The following XKR9 variants were observed in gnomAD, a reference collection of about 807,000 sequenced individuals.
XKR9 encodes the protein XK related 9, also known as XK-related protein 9.
In XKR9, 32 loss-of-function variants were observed where a neutral mutation model predicts 32.0. The observed-to-expected ratio is 1.00, with a 90% CI of 0.76 to 1.34. The LOEUF (loss-of-function observed/expected upper bound fraction) is 1.34. Ranked by LOEUF, XKR9 falls within the 40% of genes most tolerant of loss-of-function variation. The probability of loss-of-function intolerance (pLI) is 0.00; values close to 1 mark genes in which losing one functional copy is unlikely to be tolerated. For missense variants in XKR9, 546 were observed against 429.7 expected (o/e 1.27, Z -2.39); for synonymous variants, 168 against 143.4 (o/e 1.17, Z -1.22).
the XKR9 span, among the ~76,000 whole-genome samples, chr8:70,984,362 T>C: frequency 6.6e-6 from 1 of 152,216 alleles, no homozygotes; most frequent in Non-Finnish European, 1.5e-5. Context: ...ATCTTGTGGG[T>C]TCTGATCATC....
chr8:70,943,482 GT>G, the XKR9 span, among the ~76,000 whole-genome samples: 4 of 151,862 alleles, frequency 2.6e-5, no homozygotes, highest in East Asian at 1.9e-4. Context: ...TTTTTTGAAG[GT>G]TTTTTTTAAA....
the XKR9 span, among the ~76,000 whole-genome samples, chr8:70,964,912 C>G: frequency 6.6e-6 from 1 of 152,190 alleles, no homozygotes; most frequent in Non-Finnish European, 1.5e-5. Context: ...AATTTCACTT[C>G]CTCTCTTCCT....
At chr8:71,013,280 A>G in the XKR9 span, among the ~76,000 whole-genome samples, 1 of 152,172 alleles carries the variant, frequency 6.6e-6, no homozygotes, top group Non-Finnish European at 1.5e-5. Context: ...CAGAGCCACA[A>G]TCCCAGCAGG....
At chr8:70,696,308 G>T (rs2132145888) in intron 3 of XKR9, among the ~76,000 whole-genome samples, 1 of 152,220 alleles carries the variant, frequency 6.6e-6, no homozygotes, top group East Asian at 1.9e-4. Context: ...GGGATTTTAT[G>T]GTTTTAGGCC....
the XKR9 span, among the ~76,000 whole-genome samples, chr8:70,850,324 G>A: frequency 6.6e-6 from 1 of 151,862 alleles, no homozygotes; most frequent in African/African-American, 2.4e-5. Context: ...AGCTGGGTGT[G>A]GTGGTGAGTG....
chr8:70,850,303 T>C, the XKR9 span, among the ~76,000 whole-genome samples: 1 of 151,288 alleles, frequency 6.6e-6, no homozygotes, highest in Non-Finnish European at 1.5e-5. Flanking sequence ...CTACTAAAAA[T>C]ACAAAACATT....
At chr8:70,710,054 C>A (rs991069503) in intron 4 of XKR9, among the ~76,000 whole-genome samples, 2 of 152,136 alleles carry the variant, frequency 1.3e-5, no homozygotes, top group Non-Finnish European at 2.9e-5. Flanking sequence ...TACATGGCTA[C>A]AGTAACCAAA....
At chr8:70,848,819 A>G in the XKR9 span, among the ~76,000 whole-genome samples, 47,763 of 150,808 alleles carry the variant, frequency 0.32, 8,948 homozygotes, top group Non-Finnish European at 0.43. Flanking sequence ...GATAAAACAG[A>G]CTTTAAACCA....
At chr8:70,870,818 C>A in the XKR9 span, among the ~76,000 whole-genome samples, 1 of 152,162 alleles carries the variant, frequency 6.6e-6, no homozygotes, top group African/African-American at 2.4e-5. Context: ...TGAAGTGTTT[C>A]AGTGGAACTT....
At chr8:70,895,197 C>T in the XKR9 span, among the ~76,000 whole-genome samples, 1 of 152,058 alleles carries the variant, frequency 6.6e-6, no homozygotes, top group Non-Finnish European at 1.5e-5. Flanking sequence ...TCCTAGTTTC[C>T]AGCTGATCCC....
At chr8:70,832,191 C>T in the XKR9 span, among the ~76,000 whole-genome samples, 1 of 152,114 alleles carries the variant, frequency 6.6e-6, no homozygotes, top group African/African-American at 2.4e-5. Context: ...TATAGAGTAT[C>T]ACATTTGCAT....
chr8:70,876,521 A>G, the XKR9 span, among the ~76,000 whole-genome samples: 1 of 152,128 alleles, frequency 6.6e-6, no homozygotes, highest in Non-Finnish European at 1.5e-5. Context: ...GTCCAGTGCA[A>G]AAAATGGTCC....
At chr8:70,960,713 G>GA in the XKR9 span, among the ~76,000 whole-genome samples, 482 of 147,660 alleles carry the variant, frequency 3.3e-3, 3 homozygotes, top group Non-Finnish European at 3.6e-3. Context: ...ACAAAAAATA[G>GA]AAAAAAAAAA....
chr8:70,704,364 A>T (rs1805645888), intron 3 of XKR9, among the ~76,000 whole-genome samples: 3 of 152,158 alleles, frequency 2.0e-5, no homozygotes, highest in South Asian at 2.1e-4. Flanking sequence ...CTACCTAAAG[A>T]CACTGGACAT....
intron 3 of XKR9, among the ~76,000 whole-genome samples, chr8:70,699,705 A>G (rs957641896): frequency 2.0e-5 from 3 of 152,064 alleles, no homozygotes; most frequent in Non-Finnish European, 4.4e-5. Flanking sequence ...TGTTCTCTGT[A>G]TTTCCTGTAT....
At chr8:70,678,767 A>C (rs187528409) in intron 2 of XKR9, among the ~76,000 whole-genome samples, 10 of 152,368 alleles carry the variant, frequency 6.6e-5, no homozygotes, top group African/African-American at 2.2e-4. Flanking sequence ...CCGTGAGAAG[A>C]ATGAAATACC....
the XKR9 span, among the ~76,000 whole-genome samples, chr8:71,016,619 C>T: frequency 0.42 from 63,990 of 152,030 alleles, 14,701 homozygotes; most frequent in Non-Finnish European, 0.53. Context: ...ACTGCCAAAT[C>T]CAGTTTGACA....
chr8:70,896,646 T>G, the XKR9 span, among the ~76,000 whole-genome samples: 1 of 152,032 alleles, frequency 6.6e-6, no homozygotes, highest in Non-Finnish European at 1.5e-5. Context: ...TTCATTGTTT[T>G]GTTTAAAAAA....
chr8:70,906,765 C>G, the XKR9 span, among the ~76,000 whole-genome samples: 1 of 152,084 alleles, frequency 6.6e-6, no homozygotes, highest in Non-Finnish European at 1.5e-5. Flanking sequence ...TATGCAAATA[C>G]CTTTTAATAT....
Sources: allele counts gnomAD v4.1 joint callset (sites outside exome capture counted in the v4.1 genomes callset), GRCh38; gene constraint gnomAD v4.1.1; transcripts MANE v1.5; gene names NCBI Gene and HGNC (gene_info 2026-07-23, HGNC 2026-07-21).